PDE4D: variants seen among roughly 807,000 people sequenced by gnomAD.
PDE4D encodes 3',5'-cyclic-AMP phosphodiesterase 4D.
Under a neutral mutation model 87.4 loss-of-function variants are expected in PDE4D, and 24 were observed. That is an observed-to-expected ratio of 0.27 (90% CI 0.20 to 0.39). The LOEUF (loss-of-function observed/expected upper bound fraction) is 0.39, where lower values mean the gene tolerates loss of function less well. Ranked by LOEUF, PDE4D falls within the 10% of genes least tolerant of loss-of-function variation. The pLI is 1.00. For missense variants in PDE4D, 714 were observed against 1,041.0 expected, an observed-to-expected ratio of 0.69 and a Z score of 4.32; for synonymous variants, 384 against 383.2, an observed-to-expected ratio of 1.00 and a Z score of -0.02.
At chr5:59,695,017 CCCCCCAGGAATA>C (rs1751543328) in intron 1 of PDE4D, among the ~76,000 whole-genome samples, 1 of 152,024 alleles carries the variant, frequency 6.6e-6, no homozygotes, top group South Asian at 2.1e-4. Flanking sequence ...AAAGTCGGGA[CCCCCCAGGAATA>C]CCCATCTGAC....
intron 2 of PDE4D, among the ~76,000 whole-genome samples, chr5:60,149,193 A>G (rs1781277953): frequency 6.6e-6 from 1 of 152,176 alleles, no homozygotes; most frequent in Non-Finnish European, 1.5e-5. Flanking sequence ...ATAACAGAAT[A>G]CTATAGGTTG....
chr5:59,954,555 T>C (rs959890155), intron 3 of PDE4D, among the ~76,000 whole-genome samples: 20 of 152,156 alleles, frequency 1.3e-4, no homozygotes, highest in African/African-American at 4.1e-4. Flanking sequence ...TTATTAGAGA[T>C]GGCAGGTCTA....
intron 1 of PDE4D, among the ~76,000 whole-genome samples, chr5:59,744,649 T>C (rs1446261855): frequency 2.0e-5 from 3 of 152,166 alleles, no homozygotes; most frequent in African/African-American, 7.2e-5. Context: ...GCATGTGTCA[T>C]TGAGAATCCT....
chr5:59,660,167 C>A (rs1261522961), intron 1 of PDE4D, among the ~76,000 whole-genome samples: 1 of 151,886 alleles, frequency 6.6e-6, no homozygotes, highest in Non-Finnish European at 1.5e-5. Flanking sequence ...CCAGCCTGGG[C>A]AACAGAGTCT....
intron 1 of PDE4D, among the ~76,000 whole-genome samples, chr5:59,250,486 C>T (rs2153528892): frequency 6.9e-6 from 1 of 145,042 alleles, no homozygotes; most frequent in South Asian, 2.2e-4. Flanking sequence ...GAGCAAGATC[C>T]TGCCTCGAAA....
intron 1 of PDE4D, among the ~76,000 whole-genome samples, chr5:60,287,992 C>T (rs1234262686): frequency 6.6e-6 from 1 of 152,076 alleles, no homozygotes; most frequent in African/African-American, 2.4e-5. Context: ...AATATTGTAC[C>T]TAGAGCTAAA....
chr5:59,916,677 T>G (rs969004980), intron 3 of PDE4D, among the ~76,000 whole-genome samples: 1 of 152,222 alleles, frequency 6.6e-6, no homozygotes, highest in East Asian at 1.9e-4. Context: ...GTTTGAAATA[T>G]TTTTTAAGAG....
At chr5:60,236,983 T>C (rs1317882579) in intron 1 of PDE4D, among the ~76,000 whole-genome samples, 1 of 151,982 alleles carries the variant, frequency 6.6e-6, no homozygotes, top group African/African-American at 2.4e-5. Context: ...TGTTACAGCA[T>C]CAATAGAAAA....
intron 1 of PDE4D, among the ~76,000 whole-genome samples, chr5:60,388,030 C>T (rs1427945512): frequency 6.6e-6 from 1 of 152,124 alleles, no homozygotes; most frequent in Non-Finnish European, 1.5e-5. Context: ...TTTACCCTTA[C>T]CAGTTTATTA....
intron 1 of PDE4D, among the ~76,000 whole-genome samples, chr5:59,698,389 G>C (rs1316447408): frequency 6.6e-6 from 1 of 151,984 alleles, no homozygotes; most frequent in Admixed American, 6.6e-5. Context: ...ATGGATATTT[G>C]AGAAGTTGAC....
At chr5:60,339,785 G>A (rs1162298589) in intron 1 of PDE4D, among the ~76,000 whole-genome samples, 2 of 152,188 alleles carry the variant, frequency 1.3e-5, no homozygotes, top group African/African-American at 4.8e-5. Flanking sequence ...TTTCACGGCA[G>A]CCATGTGTCT....
chr5:59,562,127 GTTTT>G (rs869050793), intron 1 of PDE4D, among the ~76,000 whole-genome samples: 1 of 151,774 alleles, frequency 6.6e-6, no homozygotes, highest in Non-Finnish European at 1.5e-5. Context: ...AGCCCAAAGT[GTTTT>G]TTGTTTTGTT....
At chr5:59,550,702 ATT>A (rs199730901) in intron 1 of PDE4D, among the ~76,000 whole-genome samples, 1 of 146,254 alleles carries the variant, frequency 6.8e-6, no homozygotes, top group Non-Finnish European at 1.5e-5. Context: ...ATTTCTAAGA[ATT>A]TTTTTTTTTT....
At chr5:59,577,653 C>G (rs985046437) in intron 1 of PDE4D, among the ~76,000 whole-genome samples, 10 of 152,034 alleles carry the variant, frequency 6.6e-5, no homozygotes, top group African/African-American at 2.4e-4. Context: ...GTTTTAGAGC[C>G]ACAGCAAAAA....
At chr5:59,009,550 G>T (rs1302741809) in intron 6 of PDE4D, among the ~76,000 whole-genome samples, 1 of 152,114 alleles carries the variant, frequency 6.6e-6, no homozygotes, top group African/African-American at 2.4e-5. Flanking sequence ...ATTCTGGCAA[G>T]GCAAAACCAT....
chr5:59,435,964 T>C (rs557299279), intron 1 of PDE4D, among the ~76,000 whole-genome samples: 4 of 152,184 alleles, frequency 2.6e-5, no homozygotes, highest in African/African-American at 9.7e-5. Context: ...ATTAGAGGTG[T>C]TGGAGATGTG....
chr5:59,863,822 A>AGG (rs985283638), intron 1 of PDE4D, among the ~76,000 whole-genome samples: 5 of 152,220 alleles, frequency 3.3e-5, no homozygotes, highest in African/African-American at 1.2e-4. Context: ...CACTGTGACG[A>AGG]GGGGAGCCCT....
chr5:60,070,225 G>A (rs1460653194), intron 2 of PDE4D, among the ~76,000 whole-genome samples: 2 of 152,090 alleles, frequency 1.3e-5, no homozygotes, highest in Non-Finnish European at 2.9e-5. Flanking sequence ...CTGCTGAATA[G>A]AAGCAGTGAA....
In PDE4D at chr5:59,046,420, A is replaced by ATGTGTGTG. The variant is rs34085161; in HGVS notation, c.809-7457_809-7450dup. 1.9e-4 allele frequency among the ~76,000 whole-genome samples: 27 copies of ATGTGTGTG among 143,436 alleles called. No homozygotes were observed. In the East Asian group the frequency reaches 3.7e-3, roughly 20 times the overall value. The allele number at this position is 143,436 out of a possible 152,430, so 94.1% of individuals were successfully genotyped here. A position where few individuals can be genotyped will look rare whatever the true frequency, so the allele number is the denominator to read the frequency against. On this transcript the variant is annotated intron_variant, in intron 5 of 14. Transcript: ENST00000340635. The stretch of plus-strand genomic sequence containing the variant: ...TGAAAGAGTGAGAGAGAGAGAGAGA[A>ATGTGTGTG]TGTGTGTGTGTGTGTGTGTGTGTAT...
Sources: gnomAD v4.1 joint callset for allele counts (sites outside exome capture counted in the v4.1 genomes callset) on GRCh38, gnomAD v4.1.1 for gene constraint, MANE v1.5 for transcripts, NCBI Gene and HGNC (gene_info 2026-07-23, HGNC 2026-07-21) for gene names.